Variants in JARID2 observed in about 807,000 individuals in gnomAD.
The protein encoded by JARID2 is protein Jumonji.
Under a neutral mutation model 125.6 loss-of-function variants are expected in JARID2, and 21 were observed. That is an observed-to-expected ratio of 0.17 (90% CI 0.12 to 0.24). The LOEUF (loss-of-function observed/expected upper bound fraction) is 0.24, where lower values mean the gene tolerates loss of function less well. JARID2 is among the 10% of genes least tolerant of loss of function. The probability of loss-of-function intolerance (pLI) is 1.00; values close to 1 mark genes in which losing one functional copy is unlikely to be tolerated. For synonymous variants in JARID2, 736 were observed against 661.6 expected (o/e 1.11, Z -1.73); for missense variants, 1,303 against 1,639.6 (o/e 0.79, Z 3.55).
At chr6:15,437,606 C>G (rs1767264679) in intron 3 of JARID2, among the ~76,000 whole-genome samples, 1 of 151,724 alleles carries the variant, frequency 6.6e-6, no homozygotes. Flanking sequence ...GGGGAGCCTG[C>G]TAATTAAATG....
intron 2 of JARID2, among the ~76,000 whole-genome samples, chr6:15,384,535 A>G (rs563640991): frequency 6.6e-6 from 1 of 152,142 alleles, no homozygotes; most frequent in African/African-American, 2.4e-5. Flanking sequence ...CCTTGGAGTC[A>G]TCTGTTACTT....
intron 3 of JARID2, among the ~76,000 whole-genome samples, chr6:15,445,999 A>T (rs193176053): frequency 6.6e-6 from 1 of 152,280 alleles, no homozygotes; most frequent in Non-Finnish European, 1.5e-5. Context: ...CTGGAGCACA[A>T]CAATACCAAG....
At chr6:15,423,155 C>T (rs995263735) in intron 3 of JARID2, among the ~76,000 whole-genome samples, 8 of 151,982 alleles carry the variant, frequency 5.3e-5, no homozygotes, top group Non-Finnish European at 1.2e-4. Context: ...TGTGCCACCA[C>T]GTCCAGCTAA....
intron 3 of JARID2, among the ~76,000 whole-genome samples, chr6:15,428,184 A>G (rs1766812550): frequency 6.6e-6 from 1 of 152,138 alleles, no homozygotes; most frequent in African/African-American, 2.4e-5. Flanking sequence ...TTTTCTACAC[A>G]ATAAGGTAAA....
chr6:15,355,329 T>C (rs572701333), intron 1 of JARID2, among the ~76,000 whole-genome samples: 4 of 152,362 alleles, frequency 2.6e-5, no homozygotes, highest in African/African-American at 9.6e-5. Flanking sequence ...TGCAGAAATC[T>C]TAAAATTTTT....
chr6:15,392,041 TGTG>T, intron 2 of JARID2, among the ~76,000 whole-genome samples: 1 of 26,486 alleles, frequency 3.8e-5, no homozygotes, highest in Non-Finnish European at 7.3e-5. Context: ...CCCAGAGTGG[TGTG>T]TGTGTGTGTG....
intron 4 of JARID2, among the ~76,000 whole-genome samples, chr6:15,456,994 C>T (rs1375190635): frequency 6.6e-6 from 1 of 150,644 alleles, no homozygotes; most frequent in Non-Finnish European, 1.5e-5. Context: ...GCATCTCCAC[C>T]ATCTCCCAGA....
intron 7 of JARID2, 31 bp downstream of exon 7, chr6:15,497,201 G>C (rs1561906049): frequency 6.8e-7 from 1 of 1,480,510 alleles, no homozygotes; most frequent in African/African-American, 1.4e-5. Flanking sequence ...AGGGGGTGGT[G>C]CCTGCCCTCC....
chr6:15,453,837 T>C (rs969770475), intron 4 of JARID2, among the ~76,000 whole-genome samples: 1 of 152,126 alleles, frequency 6.6e-6, no homozygotes, highest in African/African-American at 2.4e-5. Context: ...ATGGTGTACT[T>C]TCCCGCCCTC....
At chr6:15,474,482 A>G (rs1275385392) in intron 5 of JARID2, among the ~76,000 whole-genome samples, 1 of 140,886 alleles carries the variant, frequency 7.1e-6, no homozygotes, top group Middle Eastern at 3.7e-3. Flanking sequence ...TTTTTTAGCT[A>G]CTCGTTAGCT....
intron 3 of JARID2, among the ~76,000 whole-genome samples, chr6:15,431,569 A>G (rs146235355): frequency 1.9e-3 from 292 of 152,302 alleles, no homozygotes; most frequent in African/African-American, 6.4e-3. Context: ...AGCTCTTTAC[A>G]TATTATTCAC....
chr6:15,489,728 C>T (rs1770055157), intron 6 of JARID2, among the ~76,000 whole-genome samples: 1 of 152,226 alleles, frequency 6.6e-6, no homozygotes, highest in African/African-American at 2.4e-5. Context: ...ACACAGCCGG[C>T]CTCTGTCCTC....
chr6:15,264,879 T>G (rs1485531859), intron 1 of JARID2, among the ~76,000 whole-genome samples: 1 of 152,174 alleles, frequency 6.6e-6, no homozygotes, highest in Non-Finnish European at 1.5e-5. Context: ...ATGCAGAATA[T>G]TTCCCAATAA....
chr6:15,342,742 CT>C (rs2127470441), intron 1 of JARID2, among the ~76,000 whole-genome samples: 1 of 152,272 alleles, frequency 6.6e-6, no homozygotes, highest in African/African-American at 2.4e-5. Context: ...AATTATTCAA[CT>C]AGCTTCTTCT....
rs1003043895 is a variant in JARID2 at position 15,517,276 on chromosome 6, C to A, written c.3558+8C>A. On this transcript the variant is annotated splice_region_variant and intron_variant, in intron 17 of 17. Coordinates refer to ENST00000341776, the MANE Select transcript of JARID2 (RefSeq NM_004973.4). ...ATGTACCGCTACGATGAGGTCAGTC[C>A]CTGCCCGCGGGGTAGGGCAGGGCGG... 1 of 1,602,018 alleles carries A rather than the reference C, an allele frequency of 6.2e-7. No individual in the cohort carries two copies. Among genetic ancestry groups the A allele is most frequent in the East Asian group, 2.2e-5 (1 of 44,822 alleles).
chr6:15,514,905 T>TC (rs1178102146), intron 16 of JARID2, among the ~76,000 whole-genome samples: 2 of 152,146 alleles, frequency 1.3e-5, no homozygotes, highest in Admixed American at 6.5e-5. Flanking sequence ...TCTGGTTTTT[T>TC]CCCCCAGACT....
intron 2 of JARID2, among the ~76,000 whole-genome samples, chr6:15,385,607 A>C (rs1764755656): frequency 6.6e-6 from 1 of 151,926 alleles, no homozygotes; most frequent in South Asian, 2.1e-4. Context: ...TTTGAGAGGA[A>C]AATTCATTTG....
chr6:15,515,005 C>G (rs1771476115), intron 16 of JARID2, among the ~76,000 whole-genome samples: 1 of 151,684 alleles, frequency 6.6e-6, no homozygotes, highest in Admixed American at 6.6e-5. Flanking sequence ...TTATAAACAT[C>G]ACTGATAAAA....
At chr6:15,264,640 T>TGTGAGA (rs1554116824) in intron 1 of JARID2, among the ~76,000 whole-genome samples, 4 of 150,294 alleles carry the variant, frequency 2.7e-5, no homozygotes, top group Non-Finnish European at 4.4e-5. Context: ...TGTGTGTGTG[T>TGTGAGA]GAGAGAGAGA....
Sources: allele counts gnomAD v4.1 joint callset (sites outside exome capture counted in the v4.1 genomes callset), GRCh38; gene constraint gnomAD v4.1.1; transcripts MANE v1.5; gene names NCBI Gene and HGNC (gene_info 2026-07-23, HGNC 2026-07-21).